The following RYR2 variants were observed in gnomAD, a reference collection of about 807,000 sequenced individuals.
RYR2 encodes ryanodine receptor 2, also known as cardiac muscle ryanodine receptor-calcium release channel.
Under a neutral mutation model 601.1 loss-of-function variants are expected in RYR2, and 227 were observed. That is an observed-to-expected ratio of 0.38 (90% confidence interval 0.34 to 0.42). RYR2 has a LOEUF of 0.42. RYR2 is among the 10% of genes least tolerant of loss of function. The pLI, the probability that RYR2 is intolerant of heterozygous loss-of-function variation, is 1.00. For synonymous variants in RYR2, 2,223 were observed against 2,175.1 expected (o/e 1.02, Z -0.61); for missense variants, 4,646 against 6,156.5 (o/e 0.75, Z 8.21).
intron 20 of RYR2, among the ~76,000 whole-genome samples, chr1:237,497,867 AT>A (rs995901109): frequency 1.3e-4 from 19 of 148,006 alleles, no homozygotes; most frequent in Admixed American, 2.7e-4. Flanking sequence ...TGAATTTTTA[AT>A]TTTTTTTTTT....
intron 12 of RYR2, among the ~76,000 whole-genome samples, chr1:237,433,003 C>A (rs1478380066): frequency 1.4e-5 from 2 of 145,458 alleles, no homozygotes; most frequent in South Asian, 2.2e-4. Flanking sequence ...TTAAAACTAT[C>A]TGCTAATTAA....
chr1:237,553,363 C>T (rs1326155875), intron 27 of RYR2, among the ~76,000 whole-genome samples: 1 of 151,980 alleles, frequency 6.6e-6, no homozygotes, highest in Non-Finnish European at 1.5e-5. Flanking sequence ...GCGTCTTAGT[C>T]AAAACCTATT....
chr1:237,701,397 G>A (rs1007439724), intron 65 of RYR2, among the ~76,000 whole-genome samples: 2 of 151,972 alleles, frequency 1.3e-5, no homozygotes, highest in Non-Finnish European at 2.9e-5. Flanking sequence ...TGGGCATGAT[G>A]GTGCACACCT....
At position 237,569,232 on chromosome 1, in the gene RYR2, C is replaced by T; in HGVS notation, c.3511C>T (p.His1171Tyr). The change falls in exon 29 of 105, where the codon CAC becomes TAC. Residue 1171 changes from histidine (H) to tyrosine (Y), a missense_variant. Transcript: ENST00000366574. Reference sequence around the variant, plus strand: ...GGGGTGTATGGTTGACATGAACGAACACACCATGATGTTCACACTGAATGG... The same window carrying T: ...GGGGTGTATGGTTGACATGAACGAATACACCATGATGTTCACACTGAATGG... ...VVGCMVDMNE[H>Y]TMMFTLNGEI... is the part of the protein sequence containing the mutation. 1.2e-6 allele frequency: 2 copies of T among 1,613,952 alleles called. No homozygotes were observed. Among genetic ancestry groups the T allele is most frequent in the Non-Finnish European group, 1.7e-6 (2 of 1,179,876 alleles).
At chr1:237,561,433 G>C (rs550173861) in intron 27 of RYR2, among the ~76,000 whole-genome samples, 1 of 152,290 alleles carries the variant, frequency 6.6e-6, no homozygotes, top group South Asian at 2.1e-4. Flanking sequence ...ATGTTGAAAG[G>C]ATCAGGAATC....
At chr1:237,094,334 G>A (rs368290406) in intron 1 of RYR2, among the ~76,000 whole-genome samples, 159 of 152,324 alleles carry the variant, frequency 1.0e-3, no homozygotes, top group Middle Eastern at 6.8e-3. Context: ...TGTAGGATCT[G>A]TAAATGCTCT....
At chr1:237,049,872 C>T (rs537368213) in intron 1 of RYR2, among the ~76,000 whole-genome samples, 47 of 152,282 alleles carry the variant, frequency 3.1e-4, no homozygotes, top group Non-Finnish European at 5.9e-4. Flanking sequence ...TCTATTGTCC[C>T]AGCCGTGAAG....
At chr1:237,055,716 C>G (rs1453955342) in intron 1 of RYR2, among the ~76,000 whole-genome samples, 1 of 152,116 alleles carries the variant, frequency 6.6e-6, no homozygotes, top group Non-Finnish European at 1.5e-5. Context: ...AATTATGGCT[C>G]CCTAAAAAGT....
chr1:237,327,652 T>G (rs934685598), intron 2 of RYR2, among the ~76,000 whole-genome samples: 3 of 152,186 alleles, frequency 2.0e-5, no homozygotes, highest in Non-Finnish European at 4.4e-5. Flanking sequence ...AGAACCGATT[T>G]TAAGAAACAA....
At chr1:237,701,770 A>G (rs775525530) in intron 65 of RYR2, among the ~76,000 whole-genome samples, 5 of 152,048 alleles carry the variant, frequency 3.3e-5, no homozygotes, top group Admixed American at 3.3e-4. Context: ...AAGTGAGGAC[A>G]TGTGATATTT....
At chr1:237,445,284 T>C (rs1219822841) in intron 13 of RYR2, 117 bp from the exon 14 acceptor site, 1 of 1,290,982 alleles carries the variant, frequency 7.7e-7, no homozygotes, top group Non-Finnish European at 1.1e-6. Context: ...CAGTCCCCTG[T>C]ACCTGCCTTT....
intron 84 of RYR2, among the ~76,000 whole-genome samples, chr1:237,766,503 C>A (rs553146844): frequency 5.3e-5 from 8 of 152,238 alleles, no homozygotes; most frequent in African/African-American, 1.7e-4. Flanking sequence ...TTAAAGAAAT[C>A]CATCTGTTTA....
intron 10 of RYR2, among the ~76,000 whole-genome samples, chr1:237,403,034 G>A (rs1305057528): frequency 6.6e-6 from 1 of 152,210 alleles, no homozygotes; most frequent in Non-Finnish European, 1.5e-5. Context: ...AAGGACAAGG[G>A]TGGGAGAGAG....
intron 1 of RYR2, among the ~76,000 whole-genome samples, chr1:237,174,328 A>T (rs1351012114): frequency 2.6e-5 from 4 of 152,096 alleles, no homozygotes. Flanking sequence ...ATAGTAAATA[A>T]CCAGTCTGTT....
intron 29 of RYR2, among the ~76,000 whole-genome samples, chr1:237,572,733 A>G (rs1672829505): frequency 6.6e-6 from 1 of 152,164 alleles, no homozygotes; most frequent in South Asian, 2.1e-4. Context: ...AGCAATAATC[A>G]TTAAGTAGTA....
chr1:237,245,254 A>G (rs1686692488), intron 1 of RYR2, among the ~76,000 whole-genome samples: 1 of 151,750 alleles, frequency 6.6e-6, no homozygotes, highest in Non-Finnish European at 1.5e-5. Flanking sequence ...GATAGCTTGT[A>G]TTTGTACTCT....
intron 1 of RYR2, among the ~76,000 whole-genome samples, chr1:237,176,535 C>A (rs997069950): frequency 6.6e-6 from 1 of 151,304 alleles, no homozygotes; most frequent in Non-Finnish European, 1.5e-5. Flanking sequence ...AATAAATAAA[C>A]CCTTGGTTTT....
rs1658580412 is a variant in RYR2, at chr1:237,454,569, G to A, written c.1471G>A (p.Glu491Lys). 6.2e-7 allele frequency: 1 copy of A among 1,612,736 alleles called. No homozygotes were observed. Among genetic ancestry groups the A allele is most frequent in the Non-Finnish European group, 8.5e-7 (1 of 1,179,284 alleles). Residue 491 changes from glutamate (E) to lysine (K), a missense_variant, in exon 15 of 105, where the codon GAA (glutamate) becomes AAA (lysine). Coordinates refer to ENST00000366574, the MANE Select transcript of RYR2 (RefSeq NM_001035.3). The part of the protein sequence containing the change: ...ALKNRQNLFQ[E>K]EGMINLVLEC... ...GAAGAATCGGCAAAATCTCTTCCAG[G>A]AAGAGGTCCGTTTCTATCAACACTC...
chr1:237,217,683 C>G (rs1182024283), intron 1 of RYR2, among the ~76,000 whole-genome samples: 1 of 138,996 alleles, frequency 7.2e-6, no homozygotes, highest in Non-Finnish European at 1.6e-5. Flanking sequence ...ACTGAGTAGG[C>G]ACAGTGTGAA....
Sources: allele counts gnomAD v4.1 joint callset (sites outside exome capture counted in the v4.1 genomes callset), GRCh38; gene constraint gnomAD v4.1.1; transcripts MANE v1.5; gene names NCBI Gene and HGNC (gene_info 2026-07-23, HGNC 2026-07-21).